DRC1: variants seen among roughly 807,000 people sequenced by gnomAD.
DRC1 encodes the protein dynein regulatory complex subunit 1.
DRC1 carries 74 observed loss-of-function variants against 98.7 expected under a neutral mutation model. That is an observed-to-expected ratio of 0.75 (90% CI 0.62 to 0.91). DRC1 has a LOEUF of 0.91. Among genes scored for constraint, DRC1 ranks in the 40% least tolerant of loss-of-function variants. DRC1 has a pLI of 0.00. For synonymous variants in DRC1, 336 were observed against 334.1 expected, an observed-to-expected ratio of 1.01 and a Z score of -0.06; for missense variants, 875 against 886.0, an observed-to-expected ratio of 0.99 and a Z score of 0.16.
At chr2:26,421,511 C>T in intron 3 of DRC1, 111 bp downstream of exon 3, 1 of 688,548 alleles carries the variant, frequency 1.5e-6, no homozygotes, top group South Asian at 2.5e-5. Flanking sequence ...CAATTCCCTT[C>T]CTGCCCTTAT....
In DRC1 at chr2:26,450,623, A is replaced by G. The variant is rs775900881; in HGVS notation, c.1631A>G (p.Tyr544Cys). 6.2e-7 allele frequency: 1 copy of G among 1,612,110 alleles called. No individual in the cohort carries two copies. The highest frequency in any genetic ancestry group is 8.5e-7 in the Non-Finnish European group (1 of 1,179,064). ...ALGIESEDDL[Y>C]KLVNFFLKYR... is the part of the protein sequence containing the mutation. ...GGAATTGAAAGTGAGGATGACTTGT[A>G]TAAACTGGTGAACTTCTTCCTTAAA... Residue 544 changes from tyrosine (Y) to cysteine (C), a missense_variant, in exon 13 of 17, where the codon TAT becomes TGT. By Grantham distance (194) the Tyr-to-Cys change is radical. Transcript: ENST00000288710.
At chr2:26,410,056 A>T (rs912132440) in intron 1 of DRC1, among the ~76,000 whole-genome samples, 1 of 151,856 alleles carries the variant, frequency 6.6e-6, no homozygotes, top group Non-Finnish European at 1.5e-5. Flanking sequence ...CAAAGAAAAA[A>T]GAGATGATAT....
At position 26,424,332 on chromosome 2, in the gene DRC1, A is replaced by G. The variant is rs201245045; in HGVS notation, c.418A>G (p.Lys140Glu). Reference protein sequence around the residue: ...SQDKFDEITSKWEEGKQKRIP... With the variant: ...SQDKFDEITSEWEEGKQKRIP... ...GGACAAATTCGATGAAATCACCTCA[A>G]AGTGGGAAGAGGGCAAGCAGAAGAG... The change falls in exon 4 of 17, where the codon AAG becomes GAG. Residue 140 changes from lysine (K) to glutamate (E), a missense_variant. Lys to Glu is a moderately conservative substitution (Grantham distance 56). Transcript: ENST00000288710. 1.9e-6 allele frequency: 3 copies of G among 1,613,966 alleles called. No homozygotes were observed. The highest frequency in any genetic ancestry group is 2.7e-5 in the African/African-American group (2 of 74,956).
intron 1 of DRC1, among the ~76,000 whole-genome samples, chr2:26,413,976 CAA>C: frequency 6.6e-6 from 1 of 151,836 alleles, no homozygotes; most frequent in Non-Finnish European, 1.5e-5. Context: ...AGGCTGGTCT[CAA>C]ACTCCTGATT....
In DRC1 at chr2:26,440,412, T is replaced by C. The variant is rs1663688468; in HGVS notation, c.923T>C (p.Ile308Thr). The change falls in exon 8 of 17, where the codon ATT (isoleucine) becomes ACT (threonine). Residue 308 changes from isoleucine to threonine, a missense_variant. Physicochemically the swap from Ile to Thr is moderately conservative, Grantham distance 89 (BLOSUM62 -1). Transcript: ENST00000288710. ...LEQQLQQRKA[I>T]YQLNQEKLEY... Reference sequence around the variant, plus strand: ...CAGCAGCTTCAGCAGAGGAAAGCAATTTATCAGCTAAACCAAGAGAAATTA... The same window carrying C: ...CAGCAGCTTCAGCAGAGGAAAGCAACTTATCAGCTAAACCAAGAGAAATTA... 3 of 1,612,700 alleles carry C rather than the reference T, an allele frequency of 1.9e-6. No homozygotes were observed. Among genetic ancestry groups the C allele is most frequent in the Admixed American group, 1.7e-5 (1 of 59,886 alleles).
intron 10 of DRC1, among the ~76,000 whole-genome samples, chr2:26,446,302 T>C (rs1350556958): frequency 6.6e-6 from 1 of 152,078 alleles, no homozygotes; most frequent in Non-Finnish European, 1.5e-5. Flanking sequence ...TTTGCCATGT[T>C]GCCCAGGCTG....
At chr2:26,439,962 CAT>C (rs143606624) in intron 7 of DRC1, among the ~76,000 whole-genome samples, 1,641 of 48,412 alleles carry the variant, frequency 0.034, 32 homozygotes, top group South Asian at 0.13. Flanking sequence ...CACACACACA[CAT>C]ATATATATAC....
At position 26,444,932 on chromosome 2, in the gene DRC1, A is replaced by G; in HGVS notation, c.1380A>G (p.Glu460=). 6.2e-7 allele frequency: 1 copy of G among 1,614,092 alleles called. No homozygotes were observed. Among genetic ancestry groups the G allele is most frequent in the East Asian group, 2.2e-5 (1 of 44,872 alleles). ...AGTCCGCCACACAGATAGTAGAAGAAATGCTTATGCGCTCAGGTGACTAGA... is the reference window on the plus strand; with the variant it reads ...AGTCCGCCACACAGATAGTAGAAGAGATGCTTATGCGCTCAGGTGACTAGA... ...PQKSATQIVE[E]MLMRSEEEEA... is the part of the protein sequence containing the mutation. The change falls in exon 10 of 17, where the codon GAA becomes GAG. Residue 460 remains glutamate, a synonymous_variant. Coordinates refer to ENST00000288710, the MANE Select transcript of DRC1 (RefSeq NM_145038.5).
chr2:26,406,813 CTTTTTTT>C (rs5830010), intron 1 of DRC1, among the ~76,000 whole-genome samples: 1 of 101,604 alleles, frequency 9.8e-6, no homozygotes, highest in East Asian at 2.4e-4. Flanking sequence ...TGTCACTTTC[CTTTTTTT>C]TTTTTTTTTT....
intron 2 of DRC1, among the ~76,000 whole-genome samples, chr2:26,420,488 A>T (rs1297687939): frequency 6.6e-6 from 1 of 152,090 alleles, no homozygotes; most frequent in African/African-American, 2.4e-5. Flanking sequence ...TCACTTGGAG[A>T]TCTGCTGGGG....
chr2:26,427,664 T>A (rs1330680174), intron 4 of DRC1, among the ~76,000 whole-genome samples: 2 of 152,142 alleles, frequency 1.3e-5, no homozygotes, highest in Non-Finnish European at 2.9e-5. Flanking sequence ...ATACTAGATC[T>A]TATTCATTCT....
At chr2:26,448,483 C>T in intron 10 of DRC1, 1 of 694,100 alleles carries the variant, frequency 1.4e-6, no homozygotes, top group South Asian at 1.5e-5. Context: ...CCGAGTTCTC[C>T]AGGTAGTCTC....
At position 26,456,506 on chromosome 2, in the gene DRC1, C is replaced by T. The variant is rs769395737; in HGVS notation, c.2212C>T (p.Pro738Ser). 3.1e-6 allele frequency: 5 copies of T among 1,614,140 alleles called. No individual in the cohort carries two copies. The highest frequency in any genetic ancestry group is 4.2e-6 in the Non-Finnish European group (5 of 1,180,002). The change falls in exon 17 of 17, where the codon CCC becomes TCC. Residue 738 changes from proline (P) to serine (S), a missense_variant. Pro to Ser is a moderately conservative substitution (Grantham distance 74, BLOSUM62 -1). Transcript: ENST00000288710. ...QVPPTQVLRV[P>S]TK ...TCCTCCCACTCAGGTGTTGCGGGTA[C>T]CCACAAAATGAGCTGGACCGCCAAA...
chr2:26,444,021 G>A (rs771834275), intron 8 of DRC1, among the ~76,000 whole-genome samples: 17 of 152,098 alleles, frequency 1.1e-4, no homozygotes, highest in Non-Finnish European at 7.4e-5. Flanking sequence ...AATGCGTTTC[G>A]TTTTGGACTG....
intron 2 of DRC1, among the ~76,000 whole-genome samples, chr2:26,418,689 A>ATATAAATTATATAT (rs1558438326): frequency 5.9e-5 from 5 of 84,714 alleles, no homozygotes; most frequent in Non-Finnish European, 1.1e-4. Flanking sequence ...AATTTATATT[A>ATATAAATTATATAT]TATATAAATT....
At chr2:26,444,693 T>C (rs1663805604) in intron 9 of DRC1, 23 bp from the exon 10 acceptor site, 1 of 1,610,080 alleles carries the variant, frequency 6.2e-7, no homozygotes, top group African/African-American at 1.3e-5. Context: ...CAGCTGGCCA[T>C]GCTCTGTGAC....
At chr2:26,418,688 T>TTATATAAATTATATTTAATTTATATA (rs1558438314) in intron 2 of DRC1, among the ~76,000 whole-genome samples, 28 of 84,902 alleles carry the variant, frequency 3.3e-4, no homozygotes, top group African/African-American at 1.2e-3. Context: ...TAATTTATAT[T>TTATATAAATTATATTTAATTTATATA]ATATATAAAT....
At chr2:26,425,774 G>C (rs946741597) in intron 4 of DRC1, among the ~76,000 whole-genome samples, 16 of 152,032 alleles carry the variant, frequency 1.1e-4, no homozygotes, top group African/African-American at 3.9e-4. Context: ...GGTTGTTTTT[G>C]AGTTATAGAA....
chr2:26,417,327 C>CTT (rs762670821), intron 2 of DRC1, among the ~76,000 whole-genome samples: 6 of 140,818 alleles, frequency 4.3e-5, no homozygotes, highest in Admixed American at 7.1e-5. Context: ...CTTGGCTATT[C>CTT]TTTTTTTTTT....
Sources: gnomAD v4.1 joint callset for allele counts (sites outside exome capture counted in the v4.1 genomes callset) on GRCh38, gnomAD v4.1.1 for gene constraint, MANE v1.5 for transcripts, NCBI Gene and HGNC (gene_info 2026-07-23, HGNC 2026-07-21) for gene names.